The following RELN variants were observed in gnomAD, a reference collection of about 807,000 sequenced individuals.
RELN encodes the protein reelin.
A neutral mutation model predicts 427.6 loss-of-function variants in RELN; 108 were observed. That is an observed-to-expected ratio of 0.25 (90% CI 0.22 to 0.30). The LOEUF is 0.30. Among genes scored for constraint, RELN ranks in the 10% least tolerant of loss-of-function variants. The probability of loss-of-function intolerance (pLI) is 1.00; values close to 1 mark genes in which losing one functional copy is unlikely to be tolerated. For missense variants in RELN, 3,715 were observed against 4,302.8 expected (o/e 0.86, Z 3.82); for synonymous variants, 1,524 against 1,513.4 (o/e 1.01, Z -0.16).
At chr7:103,551,342 A>G (rs1172820003) in intron 40 of RELN, 46 bp from the exon 41 acceptor site, 1 of 1,368,536 alleles carries the variant, frequency 7.3e-7, no homozygotes, top group Non-Finnish European at 1.0e-6. Context: ...CAGAGCAACA[A>G]GCCTTGAAAT....
At chr7:103,598,687 A>G (rs1435729652) in intron 24 of RELN, among the ~76,000 whole-genome samples, 1 of 152,232 alleles carries the variant, frequency 6.6e-6, no homozygotes, top group African/African-American at 2.4e-5. Context: ...GATGGAAAAT[A>G]TCACACAAAT....
intron 10 of RELN, among the ~76,000 whole-genome samples, chr7:103,696,292 C>T (rs369914488): frequency 1.3e-5 from 2 of 152,080 alleles, no homozygotes; most frequent in East Asian, 1.9e-4. Flanking sequence ...TTCATATCAC[C>T]TAAGTGCAAT....
rs111458310 is a variant in RELN at position 103,835,256 on chromosome 7, G to C, written c.338-1584C>G. Reference sequence around the variant, plus strand: ...ATTCTGGAAAAGGTAAAACTATGGAGACATTAAAAAGATCAGGAGTTGCCA... The same window carrying C: ...ATTCTGGAAAAGGTAAAACTATGGACACATTAAAAAGATCAGGAGTTGCCA... On this transcript the variant is annotated intron_variant, in intron 2 of 64. Transcript: ENST00000428762. Among the ~76,000 whole-genome samples the C allele has an allele frequency of 8.4e-3, 1,284 of 152,296 alleles. 16 individuals are homozygous for C. Among genetic ancestry groups the C allele is most frequent in the African/African-American group, 0.029 (1,193 of 41,538 alleles).
At chr7:103,673,378 G>T (rs1339526604) in intron 11 of RELN, among the ~76,000 whole-genome samples, 1 of 152,076 alleles carries the variant, frequency 6.6e-6, no homozygotes, top group South Asian at 2.1e-4. Context: ...AACAGGTTAA[G>T]AACTTGGGCA....
chr7:103,902,246 T>C (rs1795098546), intron 2 of RELN, among the ~76,000 whole-genome samples: 1 of 152,088 alleles, frequency 6.6e-6, no homozygotes, highest in Non-Finnish European at 1.5e-5. Flanking sequence ...CTCTTATTAG[T>C]AACAGATTTC....
At chr7:103,543,327 A>G (rs1401253158) in intron 42 of RELN, among the ~76,000 whole-genome samples, 1 of 152,196 alleles carries the variant, frequency 6.6e-6, no homozygotes, top group African/African-American at 2.4e-5. Context: ...AGAAATTTCA[A>G]TACCATTTAT....
At chr7:103,804,901 G>A (rs1377706769) in intron 3 of RELN, among the ~76,000 whole-genome samples, 1 of 152,058 alleles carries the variant, frequency 6.6e-6, no homozygotes, top group Admixed American at 6.6e-5. Context: ...GTTTTAATGT[G>A]GGGAAGTAAA....
In RELN at chr7:103,694,074, C is replaced by T. The variant is rs140303861; in HGVS notation, c.1143+3779G>A. Among the ~76,000 whole-genome samples the T allele has an allele frequency of 2.6e-5, 4 of 152,210 alleles. No individual in the cohort carries two copies. In the South Asian group the frequency reaches 8.3e-4, roughly 32 times the overall value. On this transcript the variant is annotated intron_variant, in intron 10 of 64. Coordinates refer to ENST00000428762, the MANE Select transcript of RELN (RefSeq NM_005045.4). ...GCACTTGCTAAACTGTAATGTATAA[C>T]AAAACCAGTCTTCTGGAGGAAGGAA... is the stretch of plus-strand genomic sequence containing the variant.
chr7:103,603,335 A>G lies in RELN; in HGVS notation c.3302T>C (p.Ile1101Thr). The G allele has an allele frequency of 6.2e-7, 1 of 1,613,876 alleles. No homozygotes were observed. The highest frequency in any genetic ancestry group is 8.5e-7 in the Non-Finnish European group (1 of 1,179,822). Residue 1101 changes from isoleucine (I) to threonine (T), a missense_variant, in exon 24 of 65, where the codon ATC becomes ACC. Physicochemically the swap from Ile to Thr is moderately conservative, Grantham distance 89. This residue lies in a region of RELN where 2,208 missense variants were observed against 2,361.7 expected (regional missense o/e 0.93). Coordinates refer to ENST00000428762, the MANE Select transcript of RELN (RefSeq NM_005045.4). This position sits in a 1 kb window ranked among gnomAD's most constrained non-coding sequence, Gnocchi z 4.3. ...IVKPEQGCGV[I>T]SSGSSLYFSK... is the part of the protein sequence containing the mutation. ...GAAGTACAGAGATGATCCAGAAGAGATGACACCACACCCTTGTTCTGGTTT... is the reference window on the plus strand; with the variant it reads ...GAAGTACAGAGATGATCCAGAAGAGGTGACACCACACCCTTGTTCTGGTTT...
chr7:103,596,389 C>T (rs1267168431), intron 25 of RELN, 67 bp downstream of exon 25: 9 of 1,380,526 alleles, frequency 6.5e-6, no homozygotes, highest in African/African-American at 1.4e-5. Flanking sequence ...TTTGGAAACA[C>T]ATCAACAATG....
At chr7:103,566,911 C>G (rs371232276) in intron 31 of RELN, 152 bp from the exon 32 acceptor site, 3 of 736,818 alleles carry the variant, frequency 4.1e-6, no homozygotes, top group African/African-American at 3.5e-5. Flanking sequence ...ATTAGTGGAC[C>G]TGAAGGCTCA....
intron 31 of RELN, 104 bp from the exon 32 acceptor site, chr7:103,566,863 T>G: frequency 3.6e-6 from 4 of 1,104,992 alleles, no homozygotes; most frequent in Non-Finnish European, 5.5e-6. Flanking sequence ...TTGTGTCTCC[T>G]AGAACGAGGG....
chr7:103,726,950 T>G (rs1268414267), intron 7 of RELN, among the ~76,000 whole-genome samples: 1 of 152,160 alleles, frequency 6.6e-6, no homozygotes, highest in Non-Finnish European at 1.5e-5. Context: ...TAATTCTGTT[T>G]GTGTTGTAAT....
intron 46 of RELN, among the ~76,000 whole-genome samples, chr7:103,527,211 T>TCCC (rs2117102129): frequency 6.6e-6 from 1 of 152,344 alleles, no homozygotes; most frequent in South Asian, 2.1e-4. Context: ...TATGAAGTCC[T>TCCC]CACTGTCGTC....
At chr7:103,762,739 C>G (rs1488405554) in intron 4 of RELN, among the ~76,000 whole-genome samples, 1 of 152,164 alleles carries the variant, frequency 6.6e-6, no homozygotes, top group East Asian at 1.9e-4. Context: ...GTACATATGT[C>G]ATCTTCTTCC....
At chr7:103,840,049 C>T (rs932358134) in intron 2 of RELN, among the ~76,000 whole-genome samples, 1 of 152,168 alleles carries the variant, frequency 6.6e-6, no homozygotes, top group Non-Finnish European at 1.5e-5. Context: ...TACTTGCTTC[C>T]CCTTCACCAT....
intron 6 of RELN, among the ~76,000 whole-genome samples, chr7:103,738,917 G>A (rs919810408): frequency 2.6e-5 from 4 of 151,974 alleles, no homozygotes; most frequent in African/African-American, 9.7e-5. Context: ...TCTTGACCTT[G>A]TGATCCATCT....
intron 20 of RELN, among the ~76,000 whole-genome samples, chr7:103,617,184 C>G (rs989078112): frequency 2.0e-5 from 3 of 151,980 alleles, no homozygotes; most frequent in African/African-American, 7.2e-5. Context: ...GTGTGTGAAG[C>G]CTTTTCATGG....
chr7:103,826,155 G>A (rs935204714), intron 3 of RELN, among the ~76,000 whole-genome samples: 1 of 135,494 alleles, frequency 7.4e-6, no homozygotes, highest in African/African-American at 2.5e-5. Flanking sequence ...TCTGCCATGT[G>A]ATGCCTTCCA....
Sources: allele counts gnomAD v4.1 joint callset (sites outside exome capture counted in the v4.1 genomes callset), GRCh38; gene constraint gnomAD v4.1.1; regional missense constraint gnomAD v4.1.1; non-coding constraint Gnocchi (gnomAD v3.1); transcripts MANE v1.5; gene names NCBI Gene and HGNC (gene_info 2026-07-23, HGNC 2026-07-21).